Variants in SPRING1 observed in about 807,000 individuals in gnomAD.
SPRING1 encodes the protein SREBF pathway regulator in golgi 1.
Under a neutral mutation model 24.7 loss-of-function variants are expected in SPRING1, and 14 were observed. The observed-to-expected ratio is 0.57, with a 90% confidence interval of 0.37 to 0.88. The LOEUF (loss-of-function observed/expected upper bound fraction) is 0.88. Ranked by LOEUF, SPRING1 falls within the 40% of genes least tolerant of loss-of-function variation. The pLI is 0.00. For missense variants in SPRING1, 255 were observed against 268.4 expected (o/e 0.95, Z 0.35); for synonymous variants, 93 against 106.1 (o/e 0.88, Z 0.76).
intron 1 of SPRING1, 48 bp downstream of exon 1, chr12:116,737,742 G>T: frequency 6.7e-7 from 1 of 1,501,860 alleles, no homozygotes; most frequent in East Asian, 2.8e-5. Flanking sequence ...GTAAGGGGGA[G>T]GAAGGAAGGA....
intron 1 of SPRING1, among the ~76,000 whole-genome samples, chr12:116,731,242 C>T (rs911839104): frequency 6.6e-6 from 1 of 152,230 alleles, no homozygotes; most frequent in African/African-American, 2.4e-5. Flanking sequence ...GCACAGTCTG[C>T]TGCCGCTGCT....
chr12:116,726,535 A>G (rs1343027468), intron 1 of SPRING1, among the ~76,000 whole-genome samples: 1 of 152,210 alleles, frequency 6.6e-6, no homozygotes, highest in East Asian at 1.9e-4. Context: ...CAAAAGCAAC[A>G]TCTGTATTCC....
At chr12:116,723,258 C>A in intron 1 of SPRING1, 35 bp from the exon 2 acceptor site, 1 of 1,607,814 alleles carries the variant, frequency 6.2e-7, no homozygotes, top group Non-Finnish European at 8.5e-7. Flanking sequence ...GGTTAAGTAT[C>A]CAGTATCCTT....
At chr12:116,729,877 ATTTTTG>A (rs1469728282) in intron 1 of SPRING1, among the ~76,000 whole-genome samples, 4 of 152,100 alleles carry the variant, frequency 2.6e-5, no homozygotes, top group African/African-American at 9.7e-5. Context: ...CTACTTTTTT[ATTTTTG>A]TTTTTATTTT....
In SPRING1 at chr12:116,735,624, CAGG is replaced by C. The variant is rs1871182345; in HGVS notation, c.111+2163_111+2165del. 2.0e-5 allele frequency among the ~76,000 whole-genome samples: 3 copies of C among 152,076 alleles called. No homozygotes were observed. The South Asian group carries it at 6.2e-4, about 32-fold the overall frequency. On this transcript the variant is annotated intron_variant, in intron 1 of 4. Coordinates refer to ENST00000261318, the MANE Select transcript of SPRING1 (RefSeq NM_024738.4). ...GTGCATGCCTGTAATCCCAGCTACT[CAGG>C]AGGCTAAGGCAGGGAGAACTGCTTG...
Position 116,713,437 on chromosome 12 carries a change from G to T in SPRING1, c.*4373C>A, listed in dbSNP as rs1444908318. 6.6e-6 allele frequency: 1 copy of T among 152,228 alleles called. No homozygotes were observed. Among genetic ancestry groups the T allele is most frequent in the African/African-American group, 2.4e-5 (1 of 41,444 alleles). The allele number at this position is 152,228 out of a possible 1,614,324, so 9.4% of individuals were successfully genotyped here. ...TAAATGGCCAATCAAAATAAGGAAT[G>T]GGGCTCATTCTGCTGGAAATTAAAT... On this transcript the variant is annotated 3_prime_UTR_variant, in exon 5 of 5. Coordinates refer to ENST00000261318, the MANE Select transcript of SPRING1 (RefSeq NM_024738.4).
At chr12:116,731,089 T>TC (rs1870953682) in intron 1 of SPRING1, among the ~76,000 whole-genome samples, 1 of 152,264 alleles carries the variant, frequency 6.6e-6, no homozygotes, top group Non-Finnish European at 1.5e-5. Flanking sequence ...TAGGCATATT[T>TC]CCCATTTCAT....
chr12:116,724,076 C>T (rs1048088797), intron 1 of SPRING1, among the ~76,000 whole-genome samples: 1 of 152,138 alleles, frequency 6.6e-6, no homozygotes, highest in African/African-American at 2.4e-5. Flanking sequence ...CTGAACGCTT[C>T]AGTAAGCTAC....
At chr12:116,723,973 T>C (rs1322421107) in intron 1 of SPRING1, among the ~76,000 whole-genome samples, 2 of 152,142 alleles carry the variant, frequency 1.3e-5, no homozygotes, top group African/African-American at 4.8e-5. Flanking sequence ...CTGTTTTCTA[T>C]ACTGTTATAA....
intron 2 of SPRING1, among the ~76,000 whole-genome samples, chr12:116,721,985 C>T (rs925243912): frequency 6.6e-6 from 1 of 152,158 alleles, no homozygotes; most frequent in African/African-American, 2.4e-5. Flanking sequence ...CTAACTCAAA[C>T]GTTATCTCCA....
chr12:116,733,349 A>ATTTTTTTTTTTTTTTTTTTTTTTTTT (rs1226137739), intron 1 of SPRING1, among the ~76,000 whole-genome samples: 36 of 145,642 alleles, frequency 2.5e-4, no homozygotes, highest in African/African-American at 8.7e-4. Context: ...AGCCTGGTTA[A>ATTTTTTTTTTTTTTTTTTTTTTTTTT]TTTTTTGTAT....
At chr12:116,733,964 C>T (rs899837121) in intron 1 of SPRING1, among the ~76,000 whole-genome samples, 85 of 152,212 alleles carry the variant, frequency 5.6e-4, no homozygotes, top group African/African-American at 2.0e-3. Flanking sequence ...GCAACCTCCA[C>T]CTCCCAGGTT....
In SPRING1 at chr12:116,737,873, G is replaced by A; in HGVS notation, c.28C>T (p.Arg10Cys). Reference protein sequence around the residue: MVNLAAMVWRRLLRKRWVLA... With the variant: MVNLAAMVWCRLLRKRWVLA... ...ACCCACCTCTTCCGCAGAAGCCGGC[G>A]CCACACCATGGCCGCCAGGTTCACC... Residue 10 changes from arginine (R) to cysteine (C), a missense_variant, in exon 1 of 5, where the codon CGC becomes TGC. Physicochemically the swap from Arg to Cys is radical, Grantham distance 180 (BLOSUM62 -3). Coordinates refer to ENST00000261318, the MANE Select transcript of SPRING1 (RefSeq NM_024738.4). The A allele has an allele frequency of 6.3e-7, 1 of 1,574,852 alleles. No homozygotes were observed. The highest frequency in any genetic ancestry group is 8.6e-7 in the Non-Finnish European group (1 of 1,162,098).
chr12:116,733,735 C>T (rs1871105019), intron 1 of SPRING1, among the ~76,000 whole-genome samples: 2 of 152,260 alleles, frequency 1.3e-5, no homozygotes, highest in South Asian at 4.1e-4. Flanking sequence ...TAGTGTGGCC[C>T]TGTGTGGACA....
chr12:116,719,035 G>A (rs1019385637), intron 4 of SPRING1, among the ~76,000 whole-genome samples: 5 of 152,278 alleles, frequency 3.3e-5, no homozygotes, highest in African/African-American at 7.2e-5. Flanking sequence ...TATCTCAGAC[G>A]AAGCCAGTAA....
rs536700829 is a variant in SPRING1 at position 116,712,503 on chromosome 12, A to G, written c.*5307T>C. 44 of 152,272 alleles carry G rather than the reference A, an allele frequency of 2.9e-4. No homozygotes were observed. Among genetic ancestry groups the G allele is most frequent in the African/African-American group, 1.0e-3 (43 of 41,542 alleles). 9.4% of individuals were successfully genotyped at this position (152,272 alleles called of 1,614,324 possible). A position where few individuals can be genotyped will look rare whatever the true frequency, so the allele number is the denominator to read the frequency against. ...CACGCAAAAGGTCACACACTGGAAG[A>G]GCCTTGCCCAACGAACGATAGACTA... is the stretch of plus-strand genomic sequence containing the variant. On this transcript the variant is annotated 3_prime_UTR_variant, in exon 5 of 5. Transcript: ENST00000261318.
chr12:116,728,359 G>C lies in SPRING1; in HGVS notation c.112-5136C>G, dbSNP rs1053957819. 6.6e-6 allele frequency among the ~76,000 whole-genome samples: 1 copy of C among 152,132 alleles called. No homozygotes were observed. The highest frequency in any genetic ancestry group is 6.5e-5 in the Admixed American group (1 of 15,278). ...CATCTGCTTTGCCCACTCTGTCTCT[G>C]CCATCCAGCAGAACAGTGCCTGGCA... On this transcript the variant is annotated intron_variant, in intron 1 of 4. Coordinates refer to ENST00000261318, the MANE Select transcript of SPRING1 (RefSeq NM_024738.4). The surrounding 1 kb of genome is among the most constrained non-coding windows in gnomAD (Gnocchi z 4.2).
chr12:116,725,774 T>A (rs1411210534), intron 1 of SPRING1, among the ~76,000 whole-genome samples: 2 of 151,834 alleles, frequency 1.3e-5, no homozygotes, highest in Non-Finnish European at 2.9e-5. Context: ...TAGTCCCAGC[T>A]ACTCAGGAGG....
At chr12:116,732,450 G>A (rs917607546) in intron 1 of SPRING1, among the ~76,000 whole-genome samples, 3 of 152,144 alleles carry the variant, frequency 2.0e-5, no homozygotes, top group Non-Finnish European at 4.4e-5. Context: ...GCTCATGCCT[G>A]TAATCCCAGC....
Sources: gnomAD v4.1 joint callset for allele counts (sites outside exome capture counted in the v4.1 genomes callset) on GRCh38, gnomAD v4.1.1 for gene constraint, Gnocchi (gnomAD v3.1) non-coding constraint, MANE v1.5 for transcripts, NCBI Gene and HGNC (gene_info 2026-07-23, HGNC 2026-07-21) for gene names.